Variants in HSP90AA1 observed in about 807,000 individuals in gnomAD.
The protein encoded by HSP90AA1 is heat shock protein HSP 90-alpha.
In HSP90AA1, 18 loss-of-function variants were observed where a neutral mutation model predicts 73.3. The ratio of observed to expected loss-of-function variants is 0.25; its 90% CI spans 0.17 to 0.36. The LOEUF (loss-of-function observed/expected upper bound fraction) is 0.36. Ranked by LOEUF, HSP90AA1 falls within the 10% of genes least tolerant of loss-of-function variation. HSP90AA1 has a pLI of 1.00. For missense variants in HSP90AA1, 704 were observed against 874.2 expected (o/e 0.81, Z 2.45); for synonymous variants, 477 against 296.9 (o/e 1.61, Z -6.24).
chr14:102,086,132 CAA>C lies in HSP90AA1; in HGVS notation c.163-10_163-9del. 1 of 1,614,030 alleles carries C rather than the reference CAA, an allele frequency of 6.2e-7. No homozygotes were observed. The highest frequency in any genetic ancestry group is 8.5e-7 in the Non-Finnish European group (1 of 1,179,970). On this transcript the variant is annotated splice_polypyrimidine_tract_variant and intron_variant, in intron 2 of 10. Coordinates refer to ENST00000216281, the MANE Select transcript of HSP90AA1 (RefSeq NM_005348.4). ...CCGGATTTTGTCCAATGCCTGTTAA[CAA>C]AAAATATTAATTTAAGCATACAGCA...
chr14:102,081,933 T>C, intron 10 of HSP90AA1, 112 bp from the exon 11 acceptor site: 1 of 784,348 alleles, frequency 1.3e-6, no homozygotes. Flanking sequence ...CATATGAGTC[T>C]CAATTTCATT....
intron 1 of HSP90AA1, among the ~76,000 whole-genome samples, chr14:102,136,518 G>A (rs1038124634): frequency 8.1e-6 from 1 of 123,472 alleles, no homozygotes; most frequent in Non-Finnish European, 1.6e-5. Flanking sequence ...ACGGTGAGCC[G>A]AGATCATGCC....
At chr14:102,087,086 G>C, upstream of HSP90AA1, 1 of 983,672 alleles carries the variant, frequency 1.0e-6, no homozygotes, top group Non-Finnish European at 1.2e-6. Flanking sequence ...CGACGGGCCC[G>C]CCCAGCGCGC....
upstream of HSP90AA1, among the ~76,000 whole-genome samples, chr14:102,090,941 TAGCTC>T (rs1236118288): frequency 6.6e-6 from 1 of 152,354 alleles, no homozygotes; most frequent in African/African-American, 2.4e-5. Context: ...ATTCAGATCT[TAGCTC>T]AGCCACTGCC....
intron 2 of HSP90AA1, among the ~76,000 whole-genome samples, chr14:102,092,937 G>A (rs2049377054): frequency 2.0e-5 from 3 of 151,600 alleles, no homozygotes. Flanking sequence ...TAGAGACATG[G>A]TTTCACCAAG....
At chr14:102,098,192 C>T (rs1380578700) in intron 2 of HSP90AA1, among the ~76,000 whole-genome samples, 5 of 151,870 alleles carry the variant, frequency 3.3e-5, no homozygotes, top group Non-Finnish European at 5.9e-5. Context: ...GACAGAGTCT[C>T]GCTCTGTCTC....
At chr14:102,139,516 C>T in exon 1 of HSP90AA1, 1 of 1,170,800 alleles carries the variant, frequency 8.5e-7, no homozygotes, top group Non-Finnish European at 1.2e-6. Context: ...GGGCGGGAGA[C>T]CGCTGAGGAG....
At chr14:102,139,342 G>A (rs1400726674) in exon 1 of HSP90AA1, 2 of 1,612,666 alleles carry the variant, frequency 1.2e-6, no homozygotes, top group East Asian at 2.2e-5. Flanking sequence ...GGGCGGGACA[G>A]TCCCTGTCCC....
chr14:102,139,450 G>A (rs2050187356), exon 1 of HSP90AA1: 4 of 1,495,120 alleles, frequency 2.7e-6, no homozygotes, highest in Non-Finnish European at 2.7e-6. Flanking sequence ...CGAAGCGGTG[G>A]CCGTCGGGGT....
At chr14:102,136,534 A>ACTCCAGCC (rs2049997031) in intron 1 of HSP90AA1, among the ~76,000 whole-genome samples, 1 of 118,502 alleles carries the variant, frequency 8.4e-6, no homozygotes, top group Non-Finnish European at 1.6e-5. Context: ...ATGCCACTGC[A>ACTCCAGCC]CTCCAGCCTG....
Position 102,081,388 on chromosome 14 carries a change from T to C in HSP90AA1, c.*324A>G. ...AGCTCAGAACACTTCAATAACAAGA[T>C]TTGGTCTACTTAGGCATCCGGCTTG... On this transcript the variant is annotated 3_prime_UTR_variant, in exon 11 of 11. Transcript: ENST00000216281. 1 of 450,490 alleles carries C rather than the reference T, an allele frequency of 2.2e-6. No individual in the cohort carries two copies. Among genetic ancestry groups the C allele is most frequent in the Non-Finnish European group, 4.0e-6 (1 of 247,320 alleles). 27.9% of individuals were successfully genotyped at this position (450,490 alleles called of 1,614,324 possible).
intron 2 of HSP90AA1, among the ~76,000 whole-genome samples, chr14:102,093,807 TACTAAA>T (rs750091433): frequency 5.9e-5 from 9 of 151,984 alleles, no homozygotes; most frequent in Non-Finnish European, 1.2e-4. Flanking sequence ...ACCCCAGCTC[TACTAAA>T]AATACAAAGA....
intron 1 of HSP90AA1, among the ~76,000 whole-genome samples, chr14:102,103,224 T>TC (rs1225946301): frequency 7.1e-6 from 1 of 140,192 alleles, no homozygotes; most frequent in East Asian, 2.0e-4. Context: ...GGAGTTGATT[T>TC]TTTTTTTTTT....
chr14:102,139,345 C>T, exon 1 of HSP90AA1: 1 of 1,612,340 alleles, frequency 6.2e-7, no homozygotes, highest in East Asian at 2.2e-5. Context: ...CGGGACAGTC[C>T]CTGTCCCGAA....
chr14:102,094,273 A>G (rs974606100), intron 2 of HSP90AA1, among the ~76,000 whole-genome samples: 1 of 152,214 alleles, frequency 6.6e-6, no homozygotes, highest in Non-Finnish European at 1.5e-5. Context: ...GTCTGGCCAC[A>G]TTGATAAGCC....
In HSP90AA1 at chr14:102,081,120, A is replaced by T. The variant is rs1242872836; in HGVS notation, c.*592T>A. ...CGAGCACTACATTTCCATCCACAAG[A>T]CTGGGTCTGAGTTATTTTTGAACAG... is the stretch of plus-strand genomic sequence containing the variant. On this transcript the variant is annotated 3_prime_UTR_variant, in exon 11 of 11. Coordinates refer to ENST00000216281, the MANE Select transcript of HSP90AA1 (RefSeq NM_005348.4). 4.4e-6 allele frequency: 1 copy of T among 229,764 alleles called. No individual in the cohort carries two copies. The highest frequency in any genetic ancestry group is 8.6e-6 in the Non-Finnish European group (1 of 115,850). 14.2% of individuals were successfully genotyped at this position (229,764 alleles called of 1,614,324 possible).
chr14:102,102,143 G>T, intron 1 of HSP90AA1: 2 of 1,467,326 alleles, frequency 1.4e-6, no homozygotes, highest in South Asian at 2.3e-5. Context: ...GAGATAGGGC[G>T]GCAGAGGATG....
intron 1 of HSP90AA1, among the ~76,000 whole-genome samples, chr14:102,119,487 T>C (rs2049746966): frequency 6.6e-6 from 1 of 151,802 alleles, no homozygotes; most frequent in Non-Finnish European, 1.5e-5. Context: ...TAGTTGTGGT[T>C]TGTTGTTTGT....
chr14:102,124,368 T>C (rs2049816169), intron 1 of HSP90AA1, among the ~76,000 whole-genome samples: 1 of 151,056 alleles, frequency 6.6e-6, no homozygotes, highest in African/African-American at 2.4e-5. Flanking sequence ...ATTTTTGTGT[T>C]TTTAGTAGAG....
Sources: gnomAD v4.1 joint callset for allele counts (sites outside exome capture counted in the v4.1 genomes callset) on GRCh38, gnomAD v4.1.1 for gene constraint, MANE v1.5 for transcripts, NCBI Gene and HGNC (gene_info 2026-07-23, HGNC 2026-07-21) for gene names.